Variants in TMC5 observed in about 807,000 individuals in gnomAD.
The protein encoded by TMC5 is transmembrane channel-like protein 5.
Under a neutral mutation model 110.5 loss-of-function variants are expected in TMC5, and 86 were observed. That is an observed-to-expected ratio of 0.78 (90% confidence interval 0.65 to 0.93). TMC5 has a LOEUF of 0.93. Among genes scored for constraint, TMC5 ranks in the 40% least tolerant of loss-of-function variants. TMC5 has a pLI of 0.00. For synonymous variants in TMC5, 455 were observed against 439.5 expected (o/e 1.04, Z -0.44); for missense variants, 1,144 against 1,222.8 (o/e 0.94, Z 0.96).
At chr16:19,439,224 G>A (rs930722528) in intron 2 of TMC5, among the ~76,000 whole-genome samples, 1 of 152,216 alleles carries the variant, frequency 6.6e-6, no homozygotes, top group African/African-American at 2.4e-5. Flanking sequence ...CCTGTGGTCT[G>A]TGGATCAGAG....
intron 5 of TMC5, among the ~76,000 whole-genome samples, chr16:19,452,795 C>T (rs1305291352): frequency 6.6e-6 from 1 of 152,004 alleles, no homozygotes; most frequent in Non-Finnish European, 1.5e-5. Flanking sequence ...AGGACCCCTT[C>T]TGAAATGAGG....
chr16:19,462,573 A>C (rs965208964), intron 6 of TMC5: 1 of 701,166 alleles, frequency 1.4e-6, no homozygotes, highest in African/African-American at 1.7e-5. Flanking sequence ...GTGGTAGGCA[A>C]GACGGCATGT....
In TMC5 at chr16:19,463,384, G is replaced by C. The variant is rs1007220281; in HGVS notation, c.1236+17G>C. ...ATTTCCCGGGTAAGTCAGTAAAACA[G>C]GCACAGCAAGAGGGTGAAAACAGGG... is the stretch of plus-strand genomic sequence containing the variant. On this transcript the variant is annotated intron_variant, in intron 7 of 21. Coordinates refer to ENST00000542583, the MANE Select transcript of TMC5 (RefSeq NM_001261841.2). 25 of 1,583,498 alleles carry C rather than the reference G, an allele frequency of 1.6e-5. No homozygotes were observed. The African/African-American group carries it at 2.2e-4, about 14-fold the overall frequency.
exon 1 of TMC5, chr16:19,410,981 G>C (rs947829478): frequency 1.3e-5 from 2 of 152,348 alleles, no homozygotes; most frequent in Admixed American, 1.3e-4. Context: ...ACCACCAGGC[G>C]CCGGAATTGG....
intron 13 of TMC5, among the ~76,000 whole-genome samples, chr16:19,478,626 C>T (rs920260331): frequency 6.6e-6 from 1 of 152,176 alleles, no homozygotes; most frequent in Non-Finnish European, 1.5e-5. Flanking sequence ...ATATATTTAT[C>T]TATTCATTCA....
At chr16:19,461,732 T>TA (rs2143574490) in intron 6 of TMC5, among the ~76,000 whole-genome samples, 1 of 152,232 alleles carries the variant, frequency 6.6e-6, no homozygotes, top group South Asian at 2.1e-4. Context: ...TTCAATTTGA[T>TA]ATAGTTGGCA....
intron 8 of TMC5, among the ~76,000 whole-genome samples, chr16:19,465,059 T>A (rs1226523847): frequency 9.6e-6 from 1 of 104,112 alleles, no homozygotes; most frequent in Non-Finnish European, 1.8e-5. Context: ...TTCTTTCTTT[T>A]CCTTCCTTCC....
At chr16:19,426,126 A>G (rs1358889715) in intron 1 of TMC5, among the ~76,000 whole-genome samples, 1 of 152,254 alleles carries the variant, frequency 6.6e-6, no homozygotes, top group Non-Finnish European at 1.5e-5. Context: ...TGCAAATCCA[A>G]GCAATAATAC....
At chr16:19,470,034 A>G (rs1448777155) in intron 10 of TMC5, among the ~76,000 whole-genome samples, 2 of 151,068 alleles carry the variant, frequency 1.3e-5, no homozygotes, top group Non-Finnish European at 2.9e-5. Context: ...AGCTGGGACT[A>G]CAGGCGCCTG....
chr16:19,414,836 A>G (rs1240307029), upstream of TMC5, among the ~76,000 whole-genome samples: 1 of 152,052 alleles, frequency 6.6e-6, no homozygotes, highest in African/African-American at 2.4e-5. Context: ...GCTTGAGGCC[A>G]GGAGTTCGAG....
chr16:19,453,710 G>A (rs774267713), intron 5 of TMC5, among the ~76,000 whole-genome samples: 9 of 152,166 alleles, frequency 5.9e-5, no homozygotes, highest in Non-Finnish European at 1.2e-4. Context: ...AGGCACTGCA[G>A]TGAGCCAAGA....
chr16:19,451,629 C>T (rs1045675514), intron 5 of TMC5, among the ~76,000 whole-genome samples: 1 of 152,028 alleles, frequency 6.6e-6, no homozygotes, highest in African/African-American at 2.4e-5. Flanking sequence ...TCCCCACACA[C>T]CAAGAAAGCG....
chr16:19,455,521 C>T (rs1967846310), intron 5 of TMC5, among the ~76,000 whole-genome samples: 1 of 152,212 alleles, frequency 6.6e-6, no homozygotes, highest in African/African-American at 2.4e-5. Context: ...ATGATGCCCT[C>T]AAGGACTGAA....
At position 19,421,887 on chromosome 16, in the gene TMC5, A is replaced by T. The variant is rs142156920; in HGVS notation, c.-308+3795A>T. Among the ~76,000 whole-genome samples, 619 of 151,772 alleles carry T rather than the reference A, an allele frequency of 4.1e-3. 3 individuals carry two copies. The highest frequency in any genetic ancestry group is 0.014 in the African/African-American group (585 of 41,362). The stretch of plus-strand genomic sequence containing the variant: ...GGATGGCTTGGGCCTAGGAGGTTGC[A>T]TCACTGCACTCTGGCCTGGATAACA... On this transcript the variant is annotated intron_variant, in intron 1 of 21. Transcript: ENST00000542583.
chr16:19,458,114 G>A (rs1967932852), intron 5 of TMC5, among the ~76,000 whole-genome samples: 1 of 152,072 alleles, frequency 6.6e-6, no homozygotes, highest in South Asian at 2.1e-4. Context: ...GATGTCTCTT[G>A]TTGGCAAGAT....
At chr16:19,458,658 A>G (rs1967945621) in intron 5 of TMC5, among the ~76,000 whole-genome samples, 2 of 152,178 alleles carry the variant, frequency 1.3e-5, no homozygotes, top group Admixed American at 1.3e-4. Flanking sequence ...AGATTGGGGC[A>G]TCACCTCTCA....
chr16:19,463,892 C>T lies in TMC5; in HGVS notation c.1353C>T (p.Asn451=). Residue 451 remains asparagine (N), a synonymous_variant, in exon 8 of 22, where the codon AAC becomes AAT. Transcript: ENST00000542583. ...KFGTSVLSYF[N]FLRWLLKFNI... Reference sequence around the variant, plus strand: ...GAACCAGCGTCCTCTCCTATTTCAACTTTCTGAGATGGCTTTTGAAGTTCA... The same window carrying T: ...GAACCAGCGTCCTCTCCTATTTCAATTTTCTGAGATGGCTTTTGAAGTTCA... 1 of 1,614,208 alleles carries T rather than the reference C, an allele frequency of 6.2e-7. No individual in the cohort carries two copies. Among genetic ancestry groups the T allele is most frequent in the South Asian group, 1.1e-5 (1 of 91,088 alleles).
intron 4 of TMC5, among the ~76,000 whole-genome samples, chr16:19,448,445 C>A (rs1967667924): frequency 6.6e-6 from 1 of 151,524 alleles, no homozygotes; most frequent in African/African-American, 2.4e-5. Flanking sequence ...TGGTGAAACC[C>A]CCTCTCTACA....
Position 19,479,498 on chromosome 16 carries a change from T to G in TMC5, c.2237T>G (p.Val746Gly). The G allele has an allele frequency of 6.2e-7, 1 of 1,614,024 alleles. No individual in the cohort carries two copies. Among genetic ancestry groups the G allele is most frequent in the Non-Finnish European group, 8.5e-7 (1 of 1,179,914 alleles). Residue 746 changes from valine (V) to glycine (G), a missense_variant, in exon 14 of 22, where the codon GTC becomes GGC. By Grantham distance (109) the Val-to-Gly change is moderately radical. Transcript: ENST00000542583. ...CTGATGGATTTTGTGTTCTCTTTAG[T>G]CAATTCCTTCCTGGGGGAGTTTCTG... is the stretch of plus-strand genomic sequence containing the variant. ...LLLMDFVFSL[V>G]NSFLGEFLRR...
Sources: allele counts gnomAD v4.1 joint callset (sites outside exome capture counted in the v4.1 genomes callset), GRCh38; gene constraint gnomAD v4.1.1; transcripts MANE v1.5; gene names NCBI Gene and HGNC (gene_info 2026-07-23, HGNC 2026-07-21).